GOLM1: variants seen among roughly 807,000 people sequenced by gnomAD.
GOLM1 encodes epididymis luminal protein 46.
A neutral mutation model predicts 50.5 loss-of-function variants in GOLM1; 31 were observed. That is an observed-to-expected ratio of 0.61 (90% CI 0.46 to 0.83). The LOEUF is 0.83. GOLM1 is among the 40% of genes least tolerant of loss of function. The pLI, the probability that GOLM1 is intolerant of heterozygous loss-of-function variation, is 0.00. For synonymous variants in GOLM1, 178 were observed against 192.8 expected (o/e 0.92, Z 0.64); for missense variants, 491 against 501.3 (o/e 0.98, Z 0.20).
intron 3 of GOLM1, among the ~76,000 whole-genome samples, chr9:86,065,484 A>C (rs1366194287): frequency 6.6e-6 from 1 of 152,238 alleles, no homozygotes; most frequent in Non-Finnish European, 1.5e-5. Context: ...CCCCCAGAAG[A>C]CAATCATTAC....
At chr9:86,045,616 A>G (rs1833510989) in intron 5 of GOLM1, among the ~76,000 whole-genome samples, 1 of 151,366 alleles carries the variant, frequency 6.6e-6, no homozygotes. Flanking sequence ...TGGAGGTTGC[A>G]GTGAGCTGAG....
chr9:86,026,182 A>C lies in GOLM1; in HGVS notation c.*1635T>G. 1.0e-6 allele frequency: 1 copy of C among 982,164 alleles called. No individual in the cohort carries two copies. Among genetic ancestry groups the C allele is most frequent in the Non-Finnish European group, 1.2e-6 (1 of 826,978 alleles). 60.8% of individuals were successfully genotyped at this position (982,164 alleles called of 1,614,324 possible). A position where few individuals can be genotyped will look rare whatever the true frequency, so the allele number is the denominator to read the frequency against. On this transcript the variant is annotated 3_prime_UTR_variant, in exon 10 of 10. Coordinates refer to ENST00000388712, the MANE Select transcript of GOLM1 (RefSeq NM_016548.4). ...GAACATTTTATTTCTCAGCAATTCT[A>C]TGCGTACAAATTAAACATGAGATGA...
At chr9:86,028,842 CTTTT>C (rs35054627) in intron 9 of GOLM1, among the ~76,000 whole-genome samples, 292 of 106,820 alleles carry the variant, frequency 2.7e-3, no homozygotes, top group South Asian at 9.9e-3. Context: ...GATAAGGGAA[CTTTT>C]TTTTTTTTTT....
chr9:86,035,201 C>T, intron 8 of GOLM1, 167 bp downstream of exon 8: 1 of 985,338 alleles, frequency 1.0e-6, no homozygotes, highest in Non-Finnish European at 1.2e-6. Flanking sequence ...CTTCCTGCCT[C>T]CCTCTTGATA....
In GOLM1 at chr9:86,034,325, A is replaced by G. The variant is rs1160175739; in HGVS notation, c.1016-930T>C. On this transcript the variant is annotated intron_variant, in intron 8 of 9. Coordinates refer to ENST00000388712, the MANE Select transcript of GOLM1 (RefSeq NM_016548.4). ...CAGCTCTAGTCTCTTTCTCTGGCTC[A>G]CTGCCTGGGGTGGAAACTGCACAGG... Among the ~76,000 whole-genome samples, 3 of 152,158 alleles carry G rather than the reference A, an allele frequency of 2.0e-5. No individual in the cohort carries two copies. The East Asian group carries it at 5.8e-4, about 29-fold the overall frequency.
chr9:86,079,480 T>C (rs1378138366), intron 1 of GOLM1, 139 bp from the exon 2 acceptor site: 1 of 641,114 alleles, frequency 1.6e-6, no homozygotes. Context: ...CGTGCAAAGC[T>C]GTCAAGGGAG....
chr9:86,092,666 T>C (rs1254762491), intron 1 of GOLM1, among the ~76,000 whole-genome samples: 1 of 152,068 alleles, frequency 6.6e-6, no homozygotes. Context: ...GGAAAGGAAG[T>C]AACACAATGA....
In GOLM1 at chr9:86,071,702, T is replaced by C. The variant is rs543702324; in HGVS notation, c.309+5710A>G. ...AGAAAAAAAAAAAAGCAATAATAGT[T>C]TCATAACGCAACAGTTAACATATAC... On this transcript the variant is annotated intron_variant, in intron 3 of 9. Transcript: ENST00000388712. 9.2e-5 allele frequency among the ~76,000 whole-genome samples: 14 copies of C among 152,104 alleles called. No individual in the cohort carries two copies. The East Asian group carries it at 2.5e-3, about 27-fold the overall frequency.
intron 3 of GOLM1, among the ~76,000 whole-genome samples, chr9:86,061,467 G>A (rs1430600764): frequency 6.6e-6 from 1 of 152,138 alleles, no homozygotes. Context: ...GGCCTTCGAA[G>A]CTCACTAATG....
chr9:86,036,766 AT>A, intron 6 of GOLM1: 1 of 470,622 alleles, frequency 2.1e-6, no homozygotes, highest in Non-Finnish European at 3.7e-6. Flanking sequence ...GAGAGGAAGC[AT>A]TTACGGAATA....
intron 8 of GOLM1, chr9:86,034,903 T>C: frequency 1.7e-6 from 1 of 603,680 alleles, no homozygotes; most frequent in Non-Finnish European, 2.1e-6. Flanking sequence ...CAAAAAGGAG[T>C]GATTCACATG....
At chr9:86,031,130 A>G (rs1832965793) in intron 9 of GOLM1, among the ~76,000 whole-genome samples, 1 of 152,000 alleles carries the variant, frequency 6.6e-6, no homozygotes, top group African/African-American at 2.4e-5. Flanking sequence ...GAATCGCTTG[A>G]ACCCGGGAGG....
At chr9:86,052,212 C>A (rs1206252221) in intron 4 of GOLM1, among the ~76,000 whole-genome samples, 1 of 152,074 alleles carries the variant, frequency 6.6e-6, no homozygotes, top group East Asian at 1.9e-4. Context: ...TCAGCATGAC[C>A]AAATTAACAG....
intron 3 of GOLM1, among the ~76,000 whole-genome samples, chr9:86,059,946 T>C (rs899375053): frequency 6.6e-6 from 1 of 150,838 alleles, no homozygotes; most frequent in African/African-American, 2.4e-5. Flanking sequence ...GTGGTTATAG[T>C]TGCATGGCAT....
At chr9:86,073,619 A>T (rs1207340248) in intron 3 of GOLM1, among the ~76,000 whole-genome samples, 2 of 152,108 alleles carry the variant, frequency 1.3e-5, no homozygotes, top group Non-Finnish European at 2.9e-5. Flanking sequence ...AGAAGGGGGA[A>T]AGGCACCAAG....
At chr9:86,035,745 G>A (rs1380606271) in intron 7 of GOLM1, 120 bp from the exon 8 acceptor site, 1 of 911,598 alleles carries the variant, frequency 1.1e-6, no homozygotes, top group African/African-American at 1.7e-5. Context: ...AGTGGGGGTG[G>A]GGTGGGCTGC....
intron 3 of GOLM1, among the ~76,000 whole-genome samples, chr9:86,073,116 C>A (rs573316993): frequency 6.6e-6 from 1 of 152,064 alleles, no homozygotes; most frequent in East Asian, 1.9e-4. Context: ...AAAAAGATAA[C>A]CTTGACAATG....
chr9:86,069,308 C>T (rs979887825), intron 3 of GOLM1, among the ~76,000 whole-genome samples: 12 of 152,100 alleles, frequency 7.9e-5, no homozygotes, highest in African/African-American at 1.9e-4. Context: ...TTGCAAAAGG[C>T]GGCTTAATAT....
chr9:86,092,947 A>C (rs1368440819), intron 1 of GOLM1, among the ~76,000 whole-genome samples: 1 of 152,234 alleles, frequency 6.6e-6, no homozygotes, highest in Non-Finnish European at 1.5e-5. Context: ...ATTTTCATTT[A>C]AGCTTCAGAA....
Sources: allele counts gnomAD v4.1 joint callset (sites outside exome capture counted in the v4.1 genomes callset), GRCh38; gene constraint gnomAD v4.1.1; transcripts MANE v1.5; gene names NCBI Gene and HGNC (gene_info 2026-07-23, HGNC 2026-07-21).